SLC38A10: variants seen among roughly 807,000 people sequenced by gnomAD.
SLC38A10 encodes solute carrier family 38 member 10.
In SLC38A10, 53 loss-of-function variants were observed where a neutral mutation model predicts 81.0. The ratio of observed to expected loss-of-function variants is 0.65; its 90% confidence interval spans 0.53 to 0.82. The LOEUF (loss-of-function observed/expected upper bound fraction) is 0.82, where lower values mean the gene tolerates loss of function less well. Ranked by LOEUF, SLC38A10 falls within the 40% of genes least tolerant of loss-of-function variation. The probability of loss-of-function intolerance (pLI) is 0.00; values close to 1 mark genes in which losing one functional copy is unlikely to be tolerated. For synonymous variants in SLC38A10, 665 were observed against 655.3 expected (o/e 1.01, Z -0.23); for missense variants, 1,471 against 1,545.0 (o/e 0.95, Z 0.80).
At chr17:81,247,225 G>T in intron 14 of SLC38A10, 164 bp from the exon 15 acceptor site, 1 of 727,864 alleles carries the variant, frequency 1.4e-6, no homozygotes, top group Non-Finnish European at 2.1e-6. Flanking sequence ...CGTGAAGCCC[G>T]GACAGCTCAG....
Position 81,253,728 on chromosome 17 carries a change from CTCCATCCCT to C in SLC38A10, c.1289-497_1289-489del, listed in dbSNP as rs2062943705. Among the ~76,000 whole-genome samples, 2 of 117,206 alleles carry C rather than the reference CTCCATCCCT, an allele frequency of 1.7e-5. No individual in the cohort carries two copies. The highest frequency in any genetic ancestry group is 2.1e-4 in the East Asian group (1 of 4,846). The allele number at this position is 117,206 out of a possible 152,430, so 76.9% of individuals were successfully genotyped here. ...CCATCACCATCACCATCATCACCATCTCCATCCCTACCACCATCACCATCATCATCACCG... is the reference window on the plus strand; with the variant it reads ...CCATCACCATCACCATCATCACCATCACCACCATCACCATCATCATCACCG... On this transcript the variant is annotated intron_variant, in intron 11 of 15. Transcript: ENST00000374759. The surrounding 1 kb of genome is among the most constrained non-coding windows in gnomAD (Gnocchi z 4.1).
At chr17:81,274,938 A>G (rs1326176992) in intron 8 of SLC38A10, among the ~76,000 whole-genome samples, 1 of 152,148 alleles carries the variant, frequency 6.6e-6, no homozygotes, top group Admixed American at 6.5e-5. Flanking sequence ...ACAGGGTCTC[A>G]CTTTGTAGCC....
rs777949193 is a variant in SLC38A10 at position 81,246,270 on chromosome 17, A to C, written c.2646T>G (p.Ser882Arg). The C allele has an allele frequency of 1.9e-6, 3 of 1,612,434 alleles. No individual in the cohort carries two copies. The highest frequency in any genetic ancestry group is 2.2e-5 in the South Asian group (2 of 91,082). ...ERLAEEFPGQ[S>R]QDVTGGSQDR... ...CTTGGGAACCGCCAGTAACGTCCTG[A>C]CTTTGCCCAGGGAATTCCTCTGCGA... Residue 882 changes from serine to arginine, a missense_variant, in exon 16 of 16, where the codon AGT becomes AGG. Physicochemically the swap from Ser to Arg is moderately radical, Grantham distance 110. Around this residue, in one of 2 missense-constraint regions of SLC38A10, gnomAD observed 751 missense variants for 717.4 expected, o/e 1.05. Coordinates refer to ENST00000374759, the MANE Select transcript of SLC38A10 (RefSeq NM_001037984.3).
intron 10 of SLC38A10, among the ~76,000 whole-genome samples, chr17:81,267,874 T>C (rs113816724): frequency 8.0e-5 from 12 of 150,816 alleles, no homozygotes; most frequent in African/African-American, 1.9e-4. Flanking sequence ...TCATCGATCA[T>C]TGGGACTAAG....
rs1376282956 is a variant in SLC38A10, at chr17:81,252,327, G to A, written c.1813C>T (p.Pro605Ser). ...DLGPGDRGLH[P>S]RPQAVLSEQQ... The stretch of plus-strand genomic sequence containing the variant: ...TCAGACAGCACTGCCTGGGGCCGAG[G>A]ATGCAGGCCCCTGTCTCCTGGCCCC... The change falls in exon 13 of 16, where the codon CCT becomes TCT. Residue 605 changes from proline to serine, a missense_variant. Around this residue, in one of 2 missense-constraint regions of SLC38A10, gnomAD observed 751 missense variants for 717.4 expected, o/e 1.05. Transcript: ENST00000374759. 5.0e-6 allele frequency: 8 copies of A among 1,612,588 alleles called. No homozygotes were observed. The highest frequency in any genetic ancestry group is 1.3e-5 in the African/African-American group (1 of 74,926).
chr17:81,249,125 C>T (rs1022438833), intron 14 of SLC38A10, among the ~76,000 whole-genome samples: 3 of 150,672 alleles, frequency 2.0e-5, no homozygotes, highest in African/African-American at 7.3e-5. Flanking sequence ...GGCACCATGG[C>T]CTCACTTGCT....
At chr17:81,272,772 T>A (rs1316516769) in intron 8 of SLC38A10, 145 bp from the exon 9 acceptor site, 11 of 506,658 alleles carry the variant, frequency 2.2e-5, no homozygotes, top group Non-Finnish European at 6.9e-6. Context: ...CAGGTGAGCC[T>A]GACCAGCACA....
intron 8 of SLC38A10, among the ~76,000 whole-genome samples, chr17:81,273,576 T>C (rs2063135758): frequency 6.6e-6 from 1 of 152,202 alleles, no homozygotes; most frequent in African/African-American, 2.4e-5. Context: ...ATTTTCAGAA[T>C]GGACTTTTAC....
At position 81,277,015 on chromosome 17, in the gene SLC38A10, G is replaced by A. The variant is rs767575085; in HGVS notation, c.729+16C>T. On this transcript the variant is annotated intron_variant, in intron 7 of 15. Transcript: ENST00000374759. This position sits in a 1 kb window ranked among gnomAD's most constrained non-coding sequence, Gnocchi z 4.5. ...GGCATGACACAGGGGCGGAGAGGGC[G>A]TGGCAAGGCTCTTACCATGACGTAG... The A allele has an allele frequency of 1.6e-5, 25 of 1,606,786 alleles. No homozygotes were observed. Among genetic ancestry groups the A allele is most frequent in the African/African-American group, 4.0e-5 (3 of 74,804 alleles).
chr17:81,292,792 C>T (rs1447846966), intron 1 of SLC38A10, among the ~76,000 whole-genome samples: 3 of 152,208 alleles, frequency 2.0e-5, no homozygotes. Context: ...TGTACTTTCA[C>T]AGGTGTCTAA....
Position 81,251,783 on chromosome 17 carries a change from A to C in SLC38A10, c.1946-171T>G, listed in dbSNP as rs578222358. 26 of 703,142 alleles carry C rather than the reference A, an allele frequency of 3.7e-5. No homozygotes were observed. The African/African-American group carries it at 4.2e-4, about 11-fold the overall frequency. 43.6% of individuals were successfully genotyped at this position (703,142 alleles called of 1,614,324 possible). A position where few individuals can be genotyped will look rare whatever the true frequency, so the allele number is the denominator to read the frequency against. ...CCTGATGATTACTAGCGAAGCAATA[A>C]AAAAATATTTAACAACCTCATAGGC... On this transcript the variant is annotated intron_variant, in intron 13 of 15. Coordinates refer to ENST00000374759, the MANE Select transcript of SLC38A10 (RefSeq NM_001037984.3).
chr17:81,283,341 G>T lies in SLC38A10; in HGVS notation c.357+68C>A. The T allele has an allele frequency of 2.1e-6, 3 of 1,422,440 alleles. No individual in the cohort carries two copies. The highest frequency in any genetic ancestry group is 2.9e-6 in the Non-Finnish European group (3 of 1,023,804). The allele number at this position is 1,422,440 out of a possible 1,614,324, so 88.1% of individuals were successfully genotyped here. A position where few individuals can be genotyped will look rare whatever the true frequency, so the allele number is the denominator to read the frequency against. ...GCACCCAGGTCTCGGTCCTCGGGAG[G>T]ATCCCACAGAGGGCCTCAGAGCAGC... is the stretch of plus-strand genomic sequence containing the variant. On this transcript the variant is annotated intron_variant, in intron 4 of 15. Coordinates refer to ENST00000374759, the MANE Select transcript of SLC38A10 (RefSeq NM_001037984.3). This position sits in a 1 kb window ranked among gnomAD's most constrained non-coding sequence, Gnocchi z 4.7.
chr17:81,250,631 G>T (rs2146883772), intron 14 of SLC38A10, among the ~76,000 whole-genome samples: 1 of 152,356 alleles, frequency 6.6e-6, no homozygotes, highest in Admixed American at 6.5e-5. Flanking sequence ...CCCCGCATGG[G>T]GCAGGGTTGA....
rs1035421651 is a variant in SLC38A10, at chr17:81,277,181, C to T, written c.627-48G>A. The T allele has an allele frequency of 5.1e-6, 8 of 1,560,750 alleles. No homozygotes were observed. Among genetic ancestry groups the T allele is most frequent in the Non-Finnish European group, 7.0e-6 (8 of 1,134,940 alleles). On this transcript the variant is annotated intron_variant, in intron 6 of 15. Coordinates refer to ENST00000374759, the MANE Select transcript of SLC38A10 (RefSeq NM_001037984.3). The surrounding 1 kb of genome is among the most constrained non-coding windows in gnomAD (Gnocchi z 4.5). ...ACAGCGGACCTGAGAGAGGCACGCCCTCCCCAGCGGCTCCACTTCTAGGAC... is the reference window on the plus strand; with the variant it reads ...ACAGCGGACCTGAGAGAGGCACGCCTTCCCCAGCGGCTCCACTTCTAGGAC...
Position 81,275,980 on chromosome 17 carries a change from A to C in SLC38A10, c.901T>G (p.Cys301Gly). 1.9e-6 allele frequency: 3 copies of C among 1,613,334 alleles called. No homozygotes were observed. Among genetic ancestry groups the C allele is most frequent in the Non-Finnish European group, 2.5e-6 (3 of 1,179,852 alleles). Residue 301 changes from cysteine (C) to glycine (G), a missense_variant, in exon 8 of 16, where the codon TGT (cysteine) becomes GGT (glycine). Around this residue, in one of 2 missense-constraint regions of SLC38A10, gnomAD observed 720 missense variants for 827.7 expected, o/e 0.87. Transcript: ENST00000374759. ...PCRQALSTLL[C>G]EQQQKDGTFA... Reference sequence around the variant, plus strand: ...CCCGAGGGTCTTACCTGCTGCTCACACAGCAGCGTGCTCAGGGCCTGCCTG... The same window carrying C: ...CCCGAGGGTCTTACCTGCTGCTCACCCAGCAGCGTGCTCAGGGCCTGCCTG...
At chr17:81,294,280 C>T (rs2063331338) in intron 1 of SLC38A10, among the ~76,000 whole-genome samples, 1 of 152,218 alleles carries the variant, frequency 6.6e-6, no homozygotes, top group Non-Finnish European at 1.5e-5. Flanking sequence ...ATCCACTCGC[C>T]TCGGCCTCCC....
intron 9 of SLC38A10, 113 bp downstream of exon 9, chr17:81,272,403 T>C (rs1485216718): frequency 1.8e-6 from 1 of 555,492 alleles, no homozygotes; most frequent in East Asian, 3.4e-5. Flanking sequence ...CTAGACTTTT[T>C]TAAGAGACCA....
intron 14 of SLC38A10, chr17:81,251,203 G>A: frequency 6.5e-7 from 1 of 1,544,142 alleles, no homozygotes; most frequent in South Asian, 1.2e-5. Context: ...AAGTGACAAT[G>A]CCGCAGGTGT....
chr17:81,276,080 G>C lies in SLC38A10; in HGVS notation c.801C>G (p.Asn267Lys), dbSNP rs761069885. 1.2e-6 allele frequency: 2 copies of C among 1,614,010 alleles called. No homozygotes were observed. The highest frequency in any genetic ancestry group is 1.7e-6 in the Non-Finnish European group (2 of 1,180,024). Residue 267 changes from asparagine (N) to lysine (K), a missense_variant, in exon 8 of 16, where the codon AAC (asparagine) becomes AAG (lysine). Around this residue, in one of 2 missense-constraint regions of SLC38A10, gnomAD observed 720 missense variants for 827.7 expected, o/e 0.87. Transcript: ENST00000374759. This position sits in a 1 kb window ranked among gnomAD's most constrained non-coding sequence, Gnocchi z 4.7. ...CCACACGGAGCATCTCCGTCACCAG[G>C]TTGGAGGGAAAGTGCATGAGCACGT... Reference protein sequence around the residue: ...AGNVLMHFPSNLVTEMLRVGF... With the variant: ...AGNVLMHFPSKLVTEMLRVGF...
Sources: gnomAD v4.1 joint callset for allele counts (sites outside exome capture counted in the v4.1 genomes callset) on GRCh38, gnomAD v4.1.1 for gene constraint, gnomAD v4.1.1 regional missense constraint, Gnocchi (gnomAD v3.1) non-coding constraint, MANE v1.5 for transcripts, NCBI Gene and HGNC (gene_info 2026-07-23, HGNC 2026-07-21) for gene names.